Variants in CDC42SE2 observed in about 807,000 individuals in gnomAD.
The protein encoded by CDC42SE2 is CDC42 small effector 2, also known as CDC42 small effector protein 2.
A neutral mutation model predicts 11.5 loss-of-function variants in CDC42SE2; 3 were observed. The observed-to-expected ratio is 0.26, with a 90% CI of 0.12 to 0.67. The LOEUF (loss-of-function observed/expected upper bound fraction) is 0.67. Ranked by LOEUF, CDC42SE2 falls within the 30% of genes least tolerant of loss-of-function variation. The pLI is 0.80. For synonymous variants in CDC42SE2, 33 were observed against 34.8 expected, an observed-to-expected ratio of 0.95 and a Z score of 0.18; for missense variants, 82 against 106.8, an observed-to-expected ratio of 0.77 and a Z score of 1.02.
intron 1 of CDC42SE2, among the ~76,000 whole-genome samples, chr5:131,314,669 C>T (rs971863910): frequency 6.6e-6 from 1 of 152,104 alleles, no homozygotes; most frequent in Admixed American, 6.5e-5. Context: ...TCTTGGTTTT[C>T]CTAATTTCGT....
chr5:131,250,055 C>A (rs935116469), intron 1 of CDC42SE2, among the ~76,000 whole-genome samples: 2 of 152,150 alleles, frequency 1.3e-5, no homozygotes, highest in African/African-American at 4.8e-5. Flanking sequence ...TGCAAATTGG[C>A]AAATTGTGTC....
chr5:131,365,500 C>G (rs919339390), intron 3 of CDC42SE2, among the ~76,000 whole-genome samples: 1 of 152,148 alleles, frequency 6.6e-6, no homozygotes. Context: ...TTGTATAGAA[C>G]TTCCATTTTC....
chr5:131,366,324 G>C (rs1006879152), intron 3 of CDC42SE2, among the ~76,000 whole-genome samples: 2 of 152,246 alleles, frequency 1.3e-5, no homozygotes, highest in African/African-American at 2.4e-5. Flanking sequence ...TGGTGTTCCA[G>C]TACTGTTGTC....
At chr5:131,278,337 C>T (rs537598751) in intron 1 of CDC42SE2, among the ~76,000 whole-genome samples, 3 of 152,166 alleles carry the variant, frequency 2.0e-5, no homozygotes, top group Admixed American at 6.5e-5. Flanking sequence ...TGTCAAAAGC[C>T]TATTTCTCCT....
intron 3 of CDC42SE2, among the ~76,000 whole-genome samples, chr5:131,364,829 T>C (rs1749807215): frequency 6.6e-6 from 1 of 152,188 alleles, no homozygotes. Flanking sequence ...CATGAGGATA[T>C]GTGCAAGTGA....
At chr5:131,292,524 C>T (rs1181012694) in intron 1 of CDC42SE2, among the ~76,000 whole-genome samples, 12 of 145,168 alleles carry the variant, frequency 8.3e-5, no homozygotes, top group Admixed American at 7.0e-4. Context: ...GCCGAGACTG[C>T]ACTCCAGCCC....
chr5:131,359,451 A>T lies in CDC42SE2; in HGVS notation c.-43A>T, dbSNP rs1258181515. ...TATTTTTGGAACTTCCCGAGTTGAG[A>T]TTTGGAACCTTCATTGGTGCTCATT... On this transcript the variant is annotated 5_prime_UTR_variant, in exon 3 of 5. Coordinates refer to ENST00000505065, the MANE Select transcript of CDC42SE2 (RefSeq NM_001375635.1). 6.6e-7 allele frequency: 1 copy of T among 1,526,138 alleles called. No homozygotes were observed. The highest frequency in any genetic ancestry group is 1.4e-5 in the African/African-American group (1 of 73,158). The allele number at this position is 1,526,138 out of a possible 1,614,324, so 94.5% of individuals were successfully genotyped here. A position where few individuals can be genotyped will look rare whatever the true frequency, so the allele number is the denominator to read the frequency against.
intron 2 of CDC42SE2, among the ~76,000 whole-genome samples, chr5:131,351,170 G>A (rs905569259): frequency 9.9e-5 from 15 of 151,846 alleles, no homozygotes; most frequent in African/African-American, 3.6e-4. Flanking sequence ...GGCTGGTCTT[G>A]AACTCCTGAG....
the CDC42SE2 span, among the ~76,000 whole-genome samples, chr5:131,231,657 T>A: frequency 6.6e-6 from 1 of 152,208 alleles, no homozygotes; most frequent in Non-Finnish European, 1.5e-5. Flanking sequence ...TTAATTGTGA[T>A]TTCTGATGTA....
intron 1 of CDC42SE2, among the ~76,000 whole-genome samples, chr5:131,276,323 C>T (rs1031340169): frequency 1.1e-4 from 17 of 150,912 alleles, no homozygotes; most frequent in East Asian, 3.9e-4. Context: ...GGCCTGTACA[C>T]CCATAGTCCC....
intron 1 of CDC42SE2, among the ~76,000 whole-genome samples, chr5:131,268,226 C>G (rs906628293): frequency 7.9e-5 from 12 of 151,202 alleles, no homozygotes; most frequent in Admixed American, 7.3e-4. Context: ...CCATGCCTGA[C>G]TAATTTCTAT....
Position 131,391,100 on chromosome 5 carries a change from C to G in CDC42SE2, c.*9C>G. 3 of 1,606,672 alleles carry G rather than the reference C, an allele frequency of 1.9e-6. No homozygotes were observed. Among genetic ancestry groups the G allele is most frequent in the Non-Finnish European group, 2.6e-6 (3 of 1,174,272 alleles). ...ATACGAAGGCGGGATAGCCCTGGTC[C>G]TTTCTCCAGTGAGTACTCAGAGCTG... On this transcript the variant is annotated 3_prime_UTR_variant, in exon 5 of 5. Transcript: ENST00000505065.
At chr5:131,266,460 C>CT (rs913283936) in intron 1 of CDC42SE2, among the ~76,000 whole-genome samples, 567 of 127,994 alleles carry the variant, frequency 4.4e-3, no homozygotes, top group East Asian at 7.5e-3. Context: ...TTTTTTTTTT[C>CT]TTTTTTTTTT....
intron 2 of CDC42SE2, among the ~76,000 whole-genome samples, chr5:131,343,713 CAAAAA>C (rs530307746): frequency 9.9e-6 from 1 of 101,052 alleles, no homozygotes; most frequent in African/African-American, 3.2e-5. Context: ...AACTCTGTCT[CAAAAA>C]AAAAAAAAAG....
upstream of CDC42SE2, among the ~76,000 whole-genome samples, chr5:131,243,741 C>T (rs78644705): frequency 6.0e-3 from 908 of 152,274 alleles, 14 homozygotes; most frequent in African/African-American, 0.021. Context: ...GTTTTCAATA[C>T]AAATTTAAAG....
chr5:131,292,240 CAAA>C (rs1202956370), intron 1 of CDC42SE2, among the ~76,000 whole-genome samples: 1 of 25,604 alleles, frequency 3.9e-5, no homozygotes, highest in Non-Finnish European at 8.1e-5. Context: ...TCTGTCTCAC[CAAA>C]AAAAAAAAAA....
chr5:131,338,134 T>C (rs1394277161), intron 2 of CDC42SE2, among the ~76,000 whole-genome samples: 1 of 152,244 alleles, frequency 6.6e-6, no homozygotes, highest in African/African-American at 2.4e-5. Context: ...AGTTATTATT[T>C]AGTAACTGTG....
chr5:131,304,494 G>A (rs755493886), intron 1 of CDC42SE2, among the ~76,000 whole-genome samples: 1 of 151,964 alleles, frequency 6.6e-6, no homozygotes, highest in Non-Finnish European at 1.5e-5. Context: ...TTTTAGTAAC[G>A]GTATCCACAT....
rs774140770 is a variant in CDC42SE2, at chr5:131,385,529, T to A, written c.55-14T>A. 6.3e-7 allele frequency: 1 copy of A among 1,589,054 alleles called. No homozygotes were observed. The highest frequency in any genetic ancestry group is 8.6e-7 in the Non-Finnish European group (1 of 1,157,956). The stretch of plus-strand genomic sequence containing the variant: ...AAGATCACTTTCTCAACACATTTGT[T>A]CCCCATATTTTAGAAAAGGCGACGG... On this transcript the variant is annotated splice_polypyrimidine_tract_variant and intron_variant, in intron 3 of 4. Transcript: ENST00000505065.
Sources: allele counts gnomAD v4.1 joint callset (sites outside exome capture counted in the v4.1 genomes callset), GRCh38; gene constraint gnomAD v4.1.1; transcripts MANE v1.5; gene names NCBI Gene and HGNC (gene_info 2026-07-23, HGNC 2026-07-21).